The following CDH13 variants were observed in gnomAD, a reference collection of about 807,000 sequenced individuals.
CDH13 encodes the protein cadherin 13.
In CDH13, 24 loss-of-function variants were observed where a neutral mutation model predicts 63.8. That is an observed-to-expected ratio of 0.38 (90% CI 0.27 to 0.53). The LOEUF (loss-of-function observed/expected upper bound fraction) is 0.53, where lower values mean the gene tolerates loss of function less well. CDH13 is among the 20% of genes least tolerant of loss of function. The pLI is 0.85. For missense variants in CDH13, 1,049 were observed against 903.1 expected, an observed-to-expected ratio of 1.16 and a Z score of -2.07; for synonymous variants, 503 against 355.3, an observed-to-expected ratio of 1.42 and a Z score of -4.67.
chr16:82,661,912 C>T (rs1911994174), intron 1 of CDH13, among the ~76,000 whole-genome samples: 1 of 152,214 alleles, frequency 6.6e-6, no homozygotes, highest in African/African-American at 2.4e-5. Context: ...CCACTAGTTA[C>T]ATGTGACTGT....
At chr16:83,049,454 C>T (rs867678286) in intron 3 of CDH13, among the ~76,000 whole-genome samples, 1 of 150,984 alleles carries the variant, frequency 6.6e-6, no homozygotes, top group Non-Finnish European at 1.5e-5. Context: ...CCTGCCTCAT[C>T]CTCCCGAGTA....
chr16:82,742,014 T>C (rs920671470), intron 1 of CDH13, among the ~76,000 whole-genome samples: 4 of 152,090 alleles, frequency 2.6e-5, no homozygotes, highest in East Asian at 3.9e-4. Context: ...TAGGAAAAAA[T>C]TGAAACACTC....
intron 8 of CDH13, among the ~76,000 whole-genome samples, chr16:83,618,429 A>T (rs192916992): frequency 6.6e-6 from 1 of 151,998 alleles, no homozygotes; most frequent in African/African-American, 2.4e-5. Flanking sequence ...CAAAAAAAAA[A>T]AAAAAGAAAA....
At chr16:83,069,504 T>C (rs899276249) in intron 3 of CDH13, among the ~76,000 whole-genome samples, 3 of 152,198 alleles carry the variant, frequency 2.0e-5, no homozygotes, top group African/African-American at 4.8e-5. Flanking sequence ...CATTCTTATT[T>C]TGAAGATGAA....
At chr16:82,743,929 T>G (rs1183316315) in intron 1 of CDH13, among the ~76,000 whole-genome samples, 4 of 152,242 alleles carry the variant, frequency 2.6e-5, no homozygotes. Flanking sequence ...ATTAATTGAT[T>G]TGTTCATCTG....
intron 2 of CDH13, among the ~76,000 whole-genome samples, chr16:82,949,231 G>A (rs1481421536): frequency 2.6e-5 from 4 of 152,086 alleles, no homozygotes; most frequent in South Asian, 2.1e-4. Context: ...GGGAGGATTC[G>A]GCCTCACCTT....
intron 5 of CDH13, among the ~76,000 whole-genome samples, chr16:83,224,706 C>T (rs2039792677): frequency 6.6e-6 from 1 of 152,218 alleles, no homozygotes; most frequent in Non-Finnish European, 1.5e-5. Context: ...TTTCATGGTT[C>T]ATTCTAATAC....
intron 3 of CDH13, among the ~76,000 whole-genome samples, chr16:83,077,273 C>A (rs190252303): frequency 7.4e-6 from 1 of 134,360 alleles, no homozygotes; most frequent in Non-Finnish European, 1.5e-5. Flanking sequence ...GCTCACTGGA[C>A]CTCTGCTTCC....
chr16:82,706,833 A>C (rs2151000015), intron 1 of CDH13, among the ~76,000 whole-genome samples: 1 of 152,206 alleles, frequency 6.6e-6, no homozygotes, highest in East Asian at 1.9e-4. Context: ...AAAGAAGTAT[A>C]GAGGTCATTT....
chr16:83,571,332 G>T (rs1259322573), intron 7 of CDH13, among the ~76,000 whole-genome samples: 1 of 152,110 alleles, frequency 6.6e-6, no homozygotes, highest in Non-Finnish European at 1.5e-5. Flanking sequence ...ACAATTGACA[G>T]TTGCATCCTG....
chr16:82,663,412 C>T (rs190904688), intron 1 of CDH13, among the ~76,000 whole-genome samples: 122 of 152,040 alleles, frequency 8.0e-4, no homozygotes, highest in African/African-American at 2.8e-3. Context: ...CTTGAACTCC[C>T]GACCTCAGAT....
chr16:83,463,489 C>T (rs1210945967), intron 6 of CDH13, among the ~76,000 whole-genome samples: 1 of 152,156 alleles, frequency 6.6e-6, no homozygotes, highest in Admixed American at 6.5e-5. Flanking sequence ...CACACAGGCT[C>T]TTGAAGCTTT....
At chr16:83,428,589 A>G (rs1290540334) in intron 6 of CDH13, among the ~76,000 whole-genome samples, 1 of 152,348 alleles carries the variant, frequency 6.6e-6, no homozygotes. Flanking sequence ...TGCTAGCCCA[A>G]GAAATCAGAA....
rs16944484 is a variant in CDH13 at position 83,113,678 on chromosome 16, C to T, written c.367-11707C>T. Among the ~76,000 whole-genome samples the T allele has an allele frequency of 9.9e-5, 15 of 152,224 alleles. No homozygotes were observed. The East Asian group carries it at 2.7e-3, about 27-fold the overall frequency. On this transcript the variant is annotated intron_variant, in intron 3 of 13. Transcript: ENST00000567109. ...CTCATAGCAAAAGAGACCGAGGAAG[C>T]CTAGAAGTGGTGCTTGAGTGGAGAG...
intron 2 of CDH13, among the ~76,000 whole-genome samples, chr16:82,996,499 G>C (rs1912219131): frequency 6.6e-6 from 1 of 151,944 alleles, no homozygotes; most frequent in South Asian, 2.1e-4. Flanking sequence ...AGAAATGTGT[G>C]ATTTCTTGAC....
At chr16:82,691,542 G>T (rs1325368272) in intron 1 of CDH13, among the ~76,000 whole-genome samples, 2 of 152,088 alleles carry the variant, frequency 1.3e-5, no homozygotes, top group African/African-American at 4.8e-5. Flanking sequence ...CTCCTTCTCT[G>T]TCTCACTTAC....
chr16:83,310,307 A>AT (rs1425320537), intron 5 of CDH13, among the ~76,000 whole-genome samples: 1 of 152,222 alleles, frequency 6.6e-6, no homozygotes, highest in Admixed American at 6.5e-5. Context: ...GAGTAATTGC[A>AT]TTTTTGATAA....
intron 1 of CDH13, among the ~76,000 whole-genome samples, chr16:82,701,121 C>T (rs1401747794): frequency 1.3e-5 from 2 of 151,958 alleles, no homozygotes; most frequent in Admixed American, 1.3e-4. Flanking sequence ...CCTCAATGTC[C>T]AAAGTTAGAA....
At chr16:83,202,414 T>TG (rs2039057961) in intron 4 of CDH13, among the ~76,000 whole-genome samples, 1 of 151,936 alleles carries the variant, frequency 6.6e-6, no homozygotes, top group Non-Finnish European at 1.5e-5. Flanking sequence ...ATCAATGGGG[T>TG]GGGGGGCCCT....
Sources: allele counts gnomAD v4.1 joint callset (sites outside exome capture counted in the v4.1 genomes callset), GRCh38; gene constraint gnomAD v4.1.1; transcripts MANE v1.5; gene names NCBI Gene and HGNC (gene_info 2026-07-23, HGNC 2026-07-21).